RAB1B: variants seen among roughly 807,000 people sequenced by gnomAD.
RAB1B encodes the protein RAB1B, member RAS oncogene family.
A neutral mutation model predicts 24.8 loss-of-function variants in RAB1B; 10 were observed. That is an observed-to-expected ratio of 0.40 (90% CI 0.25 to 0.68). The LOEUF is 0.68. Ranked by LOEUF, RAB1B falls within the 30% of genes least tolerant of loss-of-function variation. The probability of loss-of-function intolerance (pLI) is 0.37; values close to 1 mark genes in which losing one functional copy is unlikely to be tolerated. For synonymous variants in RAB1B, 99 were observed against 111.7 expected (o/e 0.89, Z 0.72); for missense variants, 154 against 271.2 (o/e 0.57, Z 3.04).
chr11:66,268,639 A>G lies in RAB1B; in HGVS notation c.-41A>G. The G allele has an allele frequency of 6.4e-7, 1 of 1,554,712 alleles. No individual in the cohort carries two copies. The highest frequency in any genetic ancestry group is 8.7e-7 in the Non-Finnish European group (1 of 1,151,418). ...ACCATCTTGGAACGGGAGGCGGAGC[A>G]GAGTCGACTGGGAGCGACCGAGCGG... On this transcript the variant is annotated 5_prime_UTR_variant, in exon 1 of 6. Transcript: ENST00000311481.
rs1856982389 is a variant in RAB1B at position 66,268,662 on chromosome 11, CG to C, written c.-15del. 1 of 1,560,888 alleles carries C rather than the reference CG, an allele frequency of 6.4e-7. No individual in the cohort carries two copies. Among genetic ancestry groups the C allele is most frequent in the Non-Finnish European group, 8.7e-7 (1 of 1,155,282 alleles). Reference sequence around the variant, plus strand: ...GCAGAGTCGACTGGGAGCGACCGAGCGGGCCGCCGCCGCCGCCATGAACCCC... The same window carrying C: ...GCAGAGTCGACTGGGAGCGACCGAGCGGCCGCCGCCGCCGCCATGAACCCC... On this transcript the variant is annotated 5_prime_UTR_variant, in exon 1 of 6. Coordinates refer to ENST00000311481, the MANE Select transcript of RAB1B (RefSeq NM_030981.3).
At chr11:66,274,189 C>G (rs1857105234) in intron 4 of RAB1B, among the ~76,000 whole-genome samples, 1 of 152,164 alleles carries the variant, frequency 6.6e-6, no homozygotes, top group Non-Finnish European at 1.5e-5. Flanking sequence ...CCAGAAAACT[C>G]TTCCCTCCCC....
intron 1 of RAB1B, among the ~76,000 whole-genome samples, chr11:66,268,916 C>T (rs1016505386): frequency 6.8e-6 from 1 of 147,742 alleles, no homozygotes; most frequent in Non-Finnish European, 1.5e-5. Context: ...CCAGACGTGG[C>T]GACCCCCAGG....
chr11:66,271,984 A>G (rs775388676), intron 2 of RAB1B, 115 bp downstream of exon 2: 285 of 977,470 alleles, frequency 2.9e-4, no homozygotes, highest in Middle Eastern at 4.2e-4. Context: ...GTGAAGCTGT[A>G]AGACCTGCCA....
At chr11:66,272,941 G>A (rs564192581) in intron 4 of RAB1B, among the ~76,000 whole-genome samples, 15 of 152,352 alleles carry the variant, frequency 9.8e-5, no homozygotes, top group Non-Finnish European at 4.4e-5. Flanking sequence ...CAGCAGCAGC[G>A]TTAGTCCCAT....
chr11:66,273,946 C>T (rs1304270936), intron 4 of RAB1B, among the ~76,000 whole-genome samples: 2 of 152,180 alleles, frequency 1.3e-5, no homozygotes, highest in African/African-American at 2.4e-5. Context: ...TGTCTCTCCC[C>T]AAACCAGCGC....
chr11:66,270,931 A>G (rs1379990765), intron 1 of RAB1B: 1 of 152,212 alleles, frequency 6.6e-6, no homozygotes, highest in African/African-American at 2.4e-5. Flanking sequence ...TTCTTTCTCC[A>G]TAAAGTGAGA....
intron 1 of RAB1B, 26 bp from the exon 2 acceptor site, chr11:66,271,771 C>G (rs1857062420): frequency 6.3e-7 from 1 of 1,592,684 alleles, no homozygotes; most frequent in Admixed American, 1.7e-5. Context: ...TGCCTCCCTT[C>G]ACGCCTTCCC....
At chr11:66,274,036 G>A (rs1857102858) in intron 4 of RAB1B, among the ~76,000 whole-genome samples, 1 of 152,132 alleles carries the variant, frequency 6.6e-6, no homozygotes, top group Non-Finnish European at 1.5e-5. Context: ...GTGCAGTGGT[G>A]TGATCATAGC....
Position 66,276,037 on chromosome 11 carries a change from T to G in RAB1B, c.412-7T>G, listed in dbSNP as rs1857138060. ...CTCCCCTCCTCTTCTCTCCTCTCCC[T>G]TGTCAGGAGTTTGCAGACTCTCTGG... On this transcript the variant is annotated splice_polypyrimidine_tract_variant and splice_region_variant and intron_variant, in intron 5 of 5. Coordinates refer to ENST00000311481, the MANE Select transcript of RAB1B (RefSeq NM_030981.3). The G allele has an allele frequency of 6.2e-7, 1 of 1,611,762 alleles. No individual in the cohort carries two copies. Among genetic ancestry groups the G allele is most frequent in the Non-Finnish European group, 8.5e-7 (1 of 1,179,172 alleles).
In RAB1B at chr11:66,268,823, C is replaced by CCT. The variant is rs1040277073; in HGVS notation, c.14+131_14+132insTC. On this transcript the variant is annotated intron_variant, in intron 1 of 5. Transcript: ENST00000311481. ...CACATCCGGGTCCCTCTTCCGCTGA[C>CCT]CCCCCCCCACATCCGGGTTCTGCCC... 2.5e-5 allele frequency: 19 copies of CCT among 773,480 alleles called. 1 individual carries two copies. In the South Asian group the frequency reaches 4.0e-4, roughly 16 times the overall value. 47.9% of individuals were successfully genotyped at this position (773,480 alleles called of 1,614,324 possible).
intron 4 of RAB1B, among the ~76,000 whole-genome samples, chr11:66,275,435 C>T (rs1226731990): frequency 2.0e-5 from 3 of 152,176 alleles, no homozygotes; most frequent in African/African-American, 7.2e-5. Context: ...GTGGCTCTTG[C>T]GGACCCGTTA....
intron 4 of RAB1B, among the ~76,000 whole-genome samples, chr11:66,273,345 A>G (rs570594608): frequency 6.6e-6 from 1 of 152,334 alleles, no homozygotes; most frequent in East Asian, 1.9e-4. Context: ...GGGAAGCTAC[A>G]TACCACCCAG....
chr11:66,268,817 C>T, intron 1 of RAB1B, 124 bp downstream of exon 1: 1 of 883,738 alleles, frequency 1.1e-6, no homozygotes, highest in Non-Finnish European at 1.5e-6. Context: ...GTCCCTCTTC[C>T]GCTGACCCCC....
intron 4 of RAB1B, among the ~76,000 whole-genome samples, chr11:66,275,378 T>A (rs1429991924): frequency 2.6e-5 from 4 of 152,204 alleles, no homozygotes; most frequent in Non-Finnish European, 5.9e-5. Flanking sequence ...ACTCCTGTGC[T>A]CCAAGGCTTC....
At chr11:66,274,163 A>G (rs975603721) in intron 4 of RAB1B, among the ~76,000 whole-genome samples, 1 of 151,914 alleles carries the variant, frequency 6.6e-6, no homozygotes, top group Non-Finnish European at 1.5e-5. Context: ...TTGTGACACA[A>G]TCCTTGTCAG....
rs758133813 is a variant in RAB1B, at chr11:66,276,268, G to T, written c.*30G>T. 7 of 1,529,524 alleles carry T rather than the reference G, an allele frequency of 4.6e-6. No individual in the cohort carries two copies. The highest frequency in any genetic ancestry group is 6.1e-6 in the Non-Finnish European group (7 of 1,143,080). The allele number at this position is 1,529,524 out of a possible 1,614,324, so 94.7% of individuals were successfully genotyped here. Reference sequence around the variant, plus strand: ...GGCACATGGAGTGGGACAGGAGGGGGCACCTTCTCCAGATGATGTCCCTGG... The same window carrying T: ...GGCACATGGAGTGGGACAGGAGGGGTCACCTTCTCCAGATGATGTCCCTGG... On this transcript the variant is annotated 3_prime_UTR_variant, in exon 6 of 6. Coordinates refer to ENST00000311481, the MANE Select transcript of RAB1B (RefSeq NM_030981.3).
rs369183055 is a variant in RAB1B at position 66,272,996 on chromosome 11, A to G, written c.279+536A>G. On this transcript the variant is annotated intron_variant, in intron 4 of 5. Transcript: ENST00000311481. ...GCAAGGGCTGGAAATGGTTCCATGAAACCTTATAGTTTACAGAACCTGGCC... is the reference window on the plus strand; with the variant it reads ...GCAAGGGCTGGAAATGGTTCCATGAGACCTTATAGTTTACAGAACCTGGCC... Among the ~76,000 whole-genome samples the G allele has an allele frequency of 2.0e-5, 3 of 152,316 alleles. No homozygotes were observed. In the East Asian group the frequency reaches 5.8e-4, roughly 29 times the overall value.
At chr11:66,270,415 TA>T (rs764312322) in intron 1 of RAB1B, 2 of 152,232 alleles carry the variant, frequency 1.3e-5, no homozygotes, top group African/African-American at 2.4e-5. Flanking sequence ...CCGTCTCTAC[TA>T]AAAATACAAA....
Sources: allele counts gnomAD v4.1 joint callset (sites outside exome capture counted in the v4.1 genomes callset), GRCh38; gene constraint gnomAD v4.1.1; transcripts MANE v1.5; gene names NCBI Gene and HGNC (gene_info 2026-07-23, HGNC 2026-07-21).